Variants in NUDCD3 observed in about 807,000 individuals in gnomAD.
The protein encoded by NUDCD3 is NudC domain containing 3.
A neutral mutation model predicts 39.7 loss-of-function variants in NUDCD3; 13 were observed. That is an observed-to-expected ratio of 0.33 (90% CI 0.21 to 0.52). The LOEUF is 0.52. Among genes scored for constraint, NUDCD3 ranks in the 20% least tolerant of loss-of-function variants. NUDCD3 has a pLI of 0.96. For synonymous variants in NUDCD3, 175 were observed against 172.4 expected, an observed-to-expected ratio of 1.02 and a Z score of -0.12; for missense variants, 453 against 458.1, an observed-to-expected ratio of 0.99 and a Z score of 0.10.
chr7:44,403,687 C>G (rs1280135909), intron 4 of NUDCD3, among the ~76,000 whole-genome samples: 1 of 152,334 alleles, frequency 6.6e-6, no homozygotes, highest in East Asian at 1.9e-4. Context: ...AAAACAGATA[C>G]CTTTATTGCA....
At chr7:44,399,317 C>T (rs980055026) in intron 4 of NUDCD3, among the ~76,000 whole-genome samples, 3 of 152,252 alleles carry the variant, frequency 2.0e-5, no homozygotes, top group African/African-American at 7.2e-5. Context: ...CTGAAAAACG[C>T]TGAGGGCTCT....
At chr7:44,427,060 C>G (rs1167622055) in intron 3 of NUDCD3, among the ~76,000 whole-genome samples, 1 of 152,140 alleles carries the variant, frequency 6.6e-6, no homozygotes, top group African/African-American at 2.4e-5. Flanking sequence ...AGACCCTGGG[C>G]TGGCAAAGCC....
intron 2 of NUDCD3, chr7:44,481,354 C>T (rs966790281): frequency 1.2e-4 from 19 of 152,322 alleles, no homozygotes; most frequent in Admixed American, 6.5e-4. Flanking sequence ...TGGAACTCTC[C>T]AGAAACTGAG....
In NUDCD3 at chr7:44,484,991, A is replaced by C. The variant is rs1800574718; in HGVS notation, c.486T>G (p.Pro162=). 1 of 1,612,622 alleles carries C rather than the reference A, an allele frequency of 6.2e-7. No individual in the cohort carries two copies. Among genetic ancestry groups the C allele is most frequent in the African/African-American group, 1.3e-5 (1 of 74,904 alleles). The part of the protein sequence containing the change: ...PGAVAGAAEV[P]REPPILPRIQ... ...ACCTGGGAAGAATTGGTGGTTCCCT[A>C]GGGACTTCAGCAGCACCAGCAACTG... The change falls in exon 2 of 6, where the codon CCT becomes CCG. Residue 162 remains proline (P), a synonymous_variant. Coordinates refer to ENST00000355451, the MANE Select transcript of NUDCD3 (RefSeq NM_015332.4).
At chr7:44,485,981 T>C (rs1278419387) in intron 1 of NUDCD3, among the ~76,000 whole-genome samples, 3 of 152,226 alleles carry the variant, frequency 2.0e-5, no homozygotes, top group Non-Finnish European at 4.4e-5. Context: ...AGAGGGGGCA[T>C]GACAAGGCCC....
intron 1 of NUDCD3, 49 bp downstream of exon 1, chr7:44,490,360 G>T: frequency 2.0e-6 from 3 of 1,472,834 alleles, no homozygotes; most frequent in Non-Finnish European, 1.8e-6. Context: ...CAGGAGTCAG[G>T]GCAGGCCGGG....
chr7:44,450,217 G>A (rs11768830), intron 2 of NUDCD3, among the ~76,000 whole-genome samples: 19,403 of 148,280 alleles, frequency 0.13, 1,655 homozygotes, highest in Non-Finnish European at 0.19. Flanking sequence ...TCGCTTTATC[G>A]CCCAGGCTGG....
chr7:44,421,331 TA>T (rs531473757), intron 3 of NUDCD3, among the ~76,000 whole-genome samples: 18,002 of 124,452 alleles, frequency 0.14, 1,386 homozygotes, highest in Non-Finnish European at 0.2. Context: ...AGACTCCGTC[TA>T]AAAAAAAAAA....
chr7:44,439,595 TA>T (rs75213700), intron 2 of NUDCD3, among the ~76,000 whole-genome samples: 1,318 of 114,006 alleles, frequency 0.012, 11 homozygotes, highest in African/African-American at 0.036. Context: ...AGGAAGTGCT[TA>T]AAAAAAAAAA....
intron 2 of NUDCD3, among the ~76,000 whole-genome samples, chr7:44,457,711 G>T (rs1379915542): frequency 1.3e-5 from 2 of 152,100 alleles, no homozygotes; most frequent in African/African-American, 4.8e-5. Flanking sequence ...TTTCTCCAAA[G>T]ATATACAAAT....
chr7:44,447,800 A>G (rs1799714868), intron 2 of NUDCD3, among the ~76,000 whole-genome samples: 1 of 152,230 alleles, frequency 6.6e-6, no homozygotes, highest in Non-Finnish European at 1.5e-5. Flanking sequence ...CATGAAGACA[A>G]GAGACATATG....
intron 5 of NUDCD3, among the ~76,000 whole-genome samples, chr7:44,387,960 G>A (rs959983263): frequency 1.3e-5 from 2 of 152,172 alleles, no homozygotes; most frequent in Non-Finnish European, 2.9e-5. Context: ...CAGAGCAATG[G>A]CACCTGTACA....
At chr7:44,471,137 TCA>T (rs950598751) in intron 2 of NUDCD3, among the ~76,000 whole-genome samples, 9 of 152,234 alleles carry the variant, frequency 5.9e-5, no homozygotes, top group African/African-American at 1.9e-4. Flanking sequence ...CCCTTGGTAT[TCA>T]CAGAGTGCTG....
intron 2 of NUDCD3, among the ~76,000 whole-genome samples, chr7:44,475,409 G>A (rs925142833): frequency 5.9e-5 from 9 of 152,042 alleles, no homozygotes; most frequent in African/African-American, 2.2e-4. Context: ...AAGATAAAGT[G>A]TAATAAAATT....
At chr7:44,467,963 C>T in intron 2 of NUDCD3, 8 of 1,610,930 alleles carry the variant, frequency 5.0e-6, no homozygotes, top group Non-Finnish European at 6.8e-6. Flanking sequence ...GTTCATCCAG[C>T]ACCAGTCAGA....
At chr7:44,485,773 T>C (rs1479405987) in intron 1 of NUDCD3, among the ~76,000 whole-genome samples, 1 of 152,240 alleles carries the variant, frequency 6.6e-6, no homozygotes, top group Non-Finnish European at 1.5e-5. Context: ...ACATCTACTA[T>C]GCGCCTACAG....
At chr7:44,437,487 G>C (rs1369536156) in intron 2 of NUDCD3, among the ~76,000 whole-genome samples, 1 of 151,920 alleles carries the variant, frequency 6.6e-6, no homozygotes, top group Non-Finnish European at 1.5e-5. Context: ...GCCTTTTGCT[G>C]ATCTTCTGTA....
chr7:44,445,668 T>C (rs1450409035), intron 2 of NUDCD3, among the ~76,000 whole-genome samples: 1 of 152,178 alleles, frequency 6.6e-6, no homozygotes, highest in African/African-American at 2.4e-5. Context: ...GTGGAAGGTG[T>C]ATCTAGACAG....
intron 2 of NUDCD3, among the ~76,000 whole-genome samples, chr7:44,428,670 C>G (rs1327199139): frequency 6.6e-6 from 1 of 152,128 alleles, no homozygotes; most frequent in Admixed American, 6.5e-5. Flanking sequence ...GCACTAAATA[C>G]AGATAGGCCT....
Sources: gnomAD v4.1 joint callset for allele counts (sites outside exome capture counted in the v4.1 genomes callset) on GRCh38, gnomAD v4.1.1 for gene constraint, MANE v1.5 for transcripts, NCBI Gene and HGNC (gene_info 2026-07-23, HGNC 2026-07-21) for gene names.